UBAP2: variants seen among roughly 807,000 people sequenced by gnomAD.
UBAP2 encodes the protein ubiquitin-associated protein 2.
In UBAP2, 75 loss-of-function variants were observed where a neutral mutation model predicts 139.6. That is an observed-to-expected ratio of 0.54 (90% CI 0.45 to 0.65). The LOEUF (loss-of-function observed/expected upper bound fraction) is 0.65, where lower values mean the gene tolerates loss of function less well. UBAP2 is among the 30% of genes least tolerant of loss of function. The pLI, the probability that UBAP2 is intolerant of heterozygous loss-of-function variation, is 0.00. For missense variants in UBAP2, 1,368 were observed against 1,369.6 expected, an observed-to-expected ratio of 1.00 and a Z score of 0.02; for synonymous variants, 526 against 526.2, an observed-to-expected ratio of 1.00 and a Z score of 0.01.
Position 33,989,003 on chromosome 9 carries a change from TC to T in UBAP2, c.411del (p.Gly139GlufsTer74). The T allele has an allele frequency of 6.2e-7, 1 of 1,613,738 alleles. No individual in the cohort carries two copies. The highest frequency in any genetic ancestry group is 8.5e-7 in the Non-Finnish European group (1 of 1,179,902). On this transcript the variant is annotated frameshift_variant, in exon 5 of 29. Transcript: ENST00000379238. LOFTEE classifies it high-confidence loss of function. ...CTGCCACGATTGCCGCCTCTTCCTT[TC>T]CGGTTGTTGTTTCCACGTCCACGAC... ...ESSRGRGNNNRKGRGGNRGRE... is the reference protein window; with the variant it reads ...ESSRGRGNNNXKGRGGNRGRE...
intron 1 of UBAP2, among the ~76,000 whole-genome samples, chr9:34,039,186 G>A (rs1330481020): frequency 1.3e-5 from 2 of 151,288 alleles, no homozygotes; most frequent in East Asian, 2.0e-4. Flanking sequence ...TTCCGGGAGG[G>A]AGGTGGGGGG....
At chr9:34,041,704 T>C (rs1034687965) in intron 1 of UBAP2, among the ~76,000 whole-genome samples, 6 of 152,212 alleles carry the variant, frequency 3.9e-5, no homozygotes, top group Non-Finnish European at 7.4e-5. Flanking sequence ...AGACTCCGTC[T>C]TATAAAACAA....
intron 2 of UBAP2, among the ~76,000 whole-genome samples, chr9:34,015,444 C>T (rs557325565): frequency 6.6e-6 from 1 of 152,186 alleles, no homozygotes; most frequent in Admixed American, 6.5e-5. Context: ...CTCAGCCTCC[C>T]GACTAACTGC....
chr9:33,929,718 T>C (rs988076674), intron 19 of UBAP2, among the ~76,000 whole-genome samples: 1 of 152,124 alleles, frequency 6.6e-6, no homozygotes, highest in African/African-American at 2.4e-5. Flanking sequence ...ATAGCTCACA[T>C]AGGCCGGGCA....
chr9:33,982,163 G>A (rs562398041), intron 6 of UBAP2, among the ~76,000 whole-genome samples: 1 of 152,274 alleles, frequency 6.6e-6, no homozygotes, highest in East Asian at 1.9e-4. Flanking sequence ...ACTGCCAGCA[G>A]CCAGCAGCCC....
intron 3 of UBAP2, chr9:33,998,098 T>C (rs1426812907): frequency 6.6e-6 from 1 of 152,176 alleles, no homozygotes; most frequent in African/African-American, 2.4e-5. Flanking sequence ...AACAAGAGTA[T>C]GAAATCACAA....
At chr9:34,027,269 T>C (rs1217777423) in intron 1 of UBAP2, among the ~76,000 whole-genome samples, 3 of 150,070 alleles carry the variant, frequency 2.0e-5, no homozygotes, top group Non-Finnish European at 4.4e-5. Context: ...TTACTTGAGG[T>C]CAGGAGTTTG....
intron 17 of UBAP2, 123 bp downstream of exon 17, chr9:33,935,716 A>G: frequency 8.5e-7 from 1 of 1,181,590 alleles, no homozygotes; most frequent in Non-Finnish European, 1.3e-6. Context: ...CAAAAAAGCA[A>G]AAGGGCTGCT....
At chr9:33,975,847 C>T (rs1828298184) in intron 6 of UBAP2, among the ~76,000 whole-genome samples, 1 of 148,680 alleles carries the variant, frequency 6.7e-6, no homozygotes, top group Non-Finnish European at 1.5e-5. Flanking sequence ...CTATGGGTAA[C>T]AGTATGGCAG....
Position 33,943,406 on chromosome 9 carries a change from A to G in UBAP2, c.1715+14T>C, listed in dbSNP as rs765789145. The G allele has an allele frequency of 6.2e-7, 1 of 1,613,466 alleles. No homozygotes were observed. The highest frequency in any genetic ancestry group is 1.1e-5 in the South Asian group (1 of 91,022). On this transcript the variant is annotated intron_variant, in intron 15 of 28. Transcript: ENST00000379238. ...GGTCTATTTTGCTTCATAACAAAGGACTAAATTCAGTACCTTAAAGACTTC... is the reference window on the plus strand; with the variant it reads ...GGTCTATTTTGCTTCATAACAAAGGGCTAAATTCAGTACCTTAAAGACTTC...
At chr9:33,957,300 G>T (rs1157393855) in intron 10 of UBAP2, among the ~76,000 whole-genome samples, 1 of 152,016 alleles carries the variant, frequency 6.6e-6, no homozygotes, top group Admixed American at 6.6e-5. Flanking sequence ...CCAAATAACT[G>T]AATAAGTCTG....
At chr9:33,989,199 CTTTCT>C (rs1821477007) in intron 4 of UBAP2, 73 bp from the exon 5 acceptor site, 26 of 1,217,410 alleles carry the variant, frequency 2.1e-5, no homozygotes, top group Admixed American at 7.0e-5. Flanking sequence ...ATGCATGTAT[CTTTCT>C]TTTTTTTTTT....
chr9:34,023,870 C>T (rs1825171882), intron 1 of UBAP2, among the ~76,000 whole-genome samples: 1 of 151,674 alleles, frequency 6.6e-6, no homozygotes, highest in South Asian at 2.1e-4. Flanking sequence ...AGGTGAAACC[C>T]CATCTCTACT....
At chr9:33,947,378 A>T (rs1825729371) in intron 13 of UBAP2, among the ~76,000 whole-genome samples, 1 of 152,198 alleles carries the variant, frequency 6.6e-6, no homozygotes, top group Admixed American at 6.5e-5. Flanking sequence ...TGGTGGCTTA[A>T]TGTCACAATT....
At chr9:33,967,007 T>C (rs1175645497) in intron 8 of UBAP2, among the ~76,000 whole-genome samples, 1 of 152,206 alleles carries the variant, frequency 6.6e-6, no homozygotes, top group Non-Finnish European at 1.5e-5. Context: ...GACTAAAATA[T>C]ATTAAAGTGG....
intron 1 of UBAP2, among the ~76,000 whole-genome samples, chr9:34,026,273 T>C (rs1195180991): frequency 1.3e-5 from 2 of 152,204 alleles, no homozygotes; most frequent in African/African-American, 4.8e-5. Context: ...AAAGCATTGA[T>C]TGGAAGATAG....
At chr9:34,007,875 T>C (rs534371717) in intron 2 of UBAP2, among the ~76,000 whole-genome samples, 38 of 152,140 alleles carry the variant, frequency 2.5e-4, no homozygotes, top group Admixed American at 5.2e-4. Flanking sequence ...TCTCCTGACC[T>C]CATGATCTGC....
At chr9:33,963,316 G>A (rs906078773) in intron 9 of UBAP2, among the ~76,000 whole-genome samples, 13 of 152,128 alleles carry the variant, frequency 8.5e-5, no homozygotes, top group Non-Finnish European at 1.2e-4. Context: ...GAAGGCAAAG[G>A]CTCAGGTCCT....
chr9:33,989,838 G>C (rs1175989665), intron 4 of UBAP2, among the ~76,000 whole-genome samples: 1 of 151,960 alleles, frequency 6.6e-6, no homozygotes, highest in Non-Finnish European at 1.5e-5. Flanking sequence ...AAAAGCTCCA[G>C]GAATACAACC....
Sources: gnomAD v4.1 joint callset for allele counts (sites outside exome capture counted in the v4.1 genomes callset) on GRCh38, gnomAD v4.1.1 for gene constraint, MANE v1.5 for transcripts, NCBI Gene and HGNC (gene_info 2026-07-23, HGNC 2026-07-21) for gene names.